SORBS2: variants seen among roughly 807,000 people sequenced by gnomAD.
SORBS2 encodes sorbin and SH3 domain containing 2.
Under a neutral mutation model 97.7 loss-of-function variants are expected in SORBS2, and 46 were observed. The ratio of observed to expected loss-of-function variants is 0.47; its 90% confidence interval spans 0.37 to 0.60. The LOEUF (loss-of-function observed/expected upper bound fraction) is 0.60. SORBS2 is among the 20% of genes least tolerant of loss of function. The probability of loss-of-function intolerance (pLI) is 0.00; values close to 1 mark genes in which losing one functional copy is unlikely to be tolerated. For synonymous variants in SORBS2, 476 were observed against 473.4 expected, an observed-to-expected ratio of 1.01 and a Z score of -0.07; for missense variants, 1,316 against 1,282.3, an observed-to-expected ratio of 1.03 and a Z score of -0.40.
intron 1 of SORBS2, among the ~76,000 whole-genome samples, chr4:185,803,324 G>T (rs1294148517): frequency 2.0e-5 from 3 of 152,154 alleles, no homozygotes; most frequent in Non-Finnish European, 4.4e-5. Flanking sequence ...CCAAAAAAAA[G>T]TGAGGCACCG....
At chr4:185,952,031 C>CTT (rs72052066) in intron 1 of SORBS2, among the ~76,000 whole-genome samples, 3 of 127,712 alleles carry the variant, frequency 2.3e-5, no homozygotes, top group African/African-American at 5.5e-5. Flanking sequence ...AAAATAGCTT[C>CTT]TTTTTTTTTT....
chr4:185,908,298 T>TATATATTTGTATACATACAA (rs1554049941), intron 1 of SORBS2, among the ~76,000 whole-genome samples: 1 of 95,348 alleles, frequency 1.0e-5, no homozygotes, highest in African/African-American at 3.9e-5. Context: ...TATATATATA[T>TATATATTTGTATACATACAA]ATATATATAT....
chr4:185,700,677 T>C (rs1350691019), intron 2 of SORBS2, among the ~76,000 whole-genome samples: 1 of 152,124 alleles, frequency 6.6e-6, no homozygotes, highest in Non-Finnish European at 1.5e-5. Flanking sequence ...GGTTCACAAT[T>C]GTCATCAGAA....
intron 1 of SORBS2, among the ~76,000 whole-genome samples, chr4:185,799,471 C>A (rs1160452069): frequency 6.6e-6 from 1 of 152,188 alleles, no homozygotes; most frequent in Non-Finnish European, 1.5e-5. Flanking sequence ...TCAAACACTG[C>A]AAATGGTAGG....
chr4:185,702,987 T>C (rs1562008379), intron 2 of SORBS2, among the ~76,000 whole-genome samples: 1 of 152,110 alleles, frequency 6.6e-6, no homozygotes, highest in Non-Finnish European at 1.5e-5. Context: ...AAAAAGGAGA[T>C]GGTTAAAGAC....
chr4:185,955,530 A>G (rs952681108), intron 1 of SORBS2, among the ~76,000 whole-genome samples: 2 of 152,198 alleles, frequency 1.3e-5, no homozygotes, highest in African/African-American at 4.8e-5. Context: ...CACCTAATGC[A>G]ATATGTTTCT....
At chr4:185,670,769 TG>T (rs1379715914) in intron 4 of SORBS2, among the ~76,000 whole-genome samples, 1 of 152,086 alleles carries the variant, frequency 6.6e-6, no homozygotes, top group Non-Finnish European at 1.5e-5. Context: ...TGGCCTGTCC[TG>T]GTGGTATGAG....
At chr4:185,871,994 G>A (rs2099230663) in intron 1 of SORBS2, among the ~76,000 whole-genome samples, 1 of 152,190 alleles carries the variant, frequency 6.6e-6, no homozygotes, top group Non-Finnish European at 1.5e-5. Context: ...AAATTGGCAT[G>A]CATTTACTTT....
chr4:185,773,622 G>A (rs2098984623), intron 2 of SORBS2: 2 of 152,348 alleles, frequency 1.3e-5, no homozygotes, highest in South Asian at 4.1e-4. Flanking sequence ...CCTTGACTGG[G>A]ACTTAAACAG....
At chr4:185,711,649 C>G (rs923463112) in intron 2 of SORBS2, among the ~76,000 whole-genome samples, 1 of 152,186 alleles carries the variant, frequency 6.6e-6, no homozygotes, top group Non-Finnish European at 1.5e-5. Context: ...ACATCCTTCC[C>G]CATCCAAATT....
intron 1 of SORBS2, among the ~76,000 whole-genome samples, chr4:185,887,958 A>ATATGTG (rs372267542): frequency 6.7e-6 from 1 of 149,076 alleles, no homozygotes; most frequent in Non-Finnish European, 1.5e-5. Flanking sequence ...TAGTATATAT[A>ATATGTG]TATGTGTGTG....
chr4:185,872,453 G>A (rs1403535512), intron 1 of SORBS2, among the ~76,000 whole-genome samples: 1 of 152,144 alleles, frequency 6.6e-6, no homozygotes, highest in African/African-American at 2.4e-5. Context: ...CAAGATGCAC[G>A]TGCCAACATC....
chr4:185,597,985 C>T (rs2096154493), intron 12 of SORBS2, among the ~76,000 whole-genome samples: 1 of 152,192 alleles, frequency 6.6e-6, no homozygotes, highest in Admixed American at 6.6e-5. Flanking sequence ...CTTGTAAAGC[C>T]ACCAGCATTT....
intron 1 of SORBS2, among the ~76,000 whole-genome samples, chr4:185,784,155 G>A (rs940958921): frequency 2.6e-5 from 4 of 151,880 alleles, no homozygotes; most frequent in East Asian, 1.9e-4. Flanking sequence ...TTTTTGAGAC[G>A]GAGTCTGGAT....
intron 2 of SORBS2, among the ~76,000 whole-genome samples, chr4:185,767,107 G>A (rs2098938273): frequency 2.0e-5 from 3 of 151,828 alleles, no homozygotes. Context: ...TTCACCTCCC[G>A]TGCTTGTTTT....
At chr4:185,949,783 A>G in intron 1 of SORBS2, among the ~76,000 whole-genome samples, 1 of 152,180 alleles carries the variant, frequency 6.6e-6, no homozygotes, top group Non-Finnish European at 1.5e-5. Context: ...GCTGAATCTG[A>G]GACCTATTTG....
intron 12 of SORBS2, among the ~76,000 whole-genome samples, chr4:185,600,981 A>G (rs554044877): frequency 6.6e-6 from 1 of 151,716 alleles, no homozygotes; most frequent in South Asian, 2.1e-4. Flanking sequence ...TGTAGGTTTT[A>G]TTTTCCTTCC....
At position 185,710,889 on chromosome 4, in the gene SORBS2, C is replaced by T. The variant is rs557142870; in HGVS notation, c.-197-32067G>A. Among the ~76,000 whole-genome samples the T allele has an allele frequency of 2.6e-5, 4 of 152,368 alleles. No homozygotes were observed. The South Asian group carries it at 6.2e-4, about 24-fold the overall frequency. On this transcript the variant is annotated intron_variant, in intron 2 of 20. Coordinates refer to the SORBS2 transcript ENST00000284776. ...GCTCTCCCAGATGCAAACTGAGTCACATCCCTGTCAGGAAACTGCAAATAA... is the reference window on the plus strand; with the variant it reads ...GCTCTCCCAGATGCAAACTGAGTCATATCCCTGTCAGGAAACTGCAAATAA...
intron 1 of SORBS2, among the ~76,000 whole-genome samples, chr4:185,803,427 T>G (rs1414538280): frequency 6.6e-6 from 1 of 152,202 alleles, no homozygotes; most frequent in Non-Finnish European, 1.5e-5. Context: ...CACATAATAA[T>G]ACATAGATCC....
Sources: allele counts gnomAD v4.1 joint callset (sites outside exome capture counted in the v4.1 genomes callset), GRCh38; gene constraint gnomAD v4.1.1; transcripts MANE v1.5; gene names NCBI Gene and HGNC (gene_info 2026-07-23, HGNC 2026-07-21).